Variants in SNX25 observed in about 807,000 individuals in gnomAD.
SNX25 encodes sorting nexin 25.
SNX25 carries 62 observed loss-of-function variants against 113.7 expected under a neutral mutation model. The ratio of observed to expected loss-of-function variants is 0.55; its 90% CI spans 0.44 to 0.67. The LOEUF (loss-of-function observed/expected upper bound fraction) is 0.67. Ranked by LOEUF, SNX25 falls within the 30% of genes least tolerant of loss-of-function variation. The pLI is 0.00. For missense variants in SNX25, 1,014 were observed against 1,161.0 expected (o/e 0.87, Z 1.84); for synonymous variants, 421 against 436.2 (o/e 0.97, Z 0.43).
intron 1 of SNX25, among the ~76,000 whole-genome samples, chr4:185,217,894 T>C (rs1434914357): frequency 6.6e-6 from 1 of 152,226 alleles, no homozygotes; most frequent in Non-Finnish European, 1.5e-5. Context: ...AACTGTACTT[T>C]TGAAGGAAAA....
At chr4:185,317,322 CAG>C (rs1364373815) in intron 7 of SNX25, among the ~76,000 whole-genome samples, 1 of 152,196 alleles carries the variant, frequency 6.6e-6, no homozygotes, top group African/African-American at 2.4e-5. Flanking sequence ...CGGGAAACAA[CAG>C]ATGCTGACGA....
chr4:185,318,919 G>A (rs1299308668), intron 7 of SNX25, among the ~76,000 whole-genome samples: 1 of 152,072 alleles, frequency 6.6e-6, no homozygotes, highest in Non-Finnish European at 1.5e-5. Flanking sequence ...GCTACAGATA[G>A]AAGGTTCAAT....
intron 1 of SNX25, among the ~76,000 whole-genome samples, chr4:185,237,701 C>T (rs1002168715): frequency 3.3e-5 from 5 of 151,688 alleles, no homozygotes; most frequent in East Asian, 1.9e-4. Context: ...TTTGTAATAA[C>T]GTTGAATTAG....
intron 1 of SNX25, among the ~76,000 whole-genome samples, chr4:185,238,012 G>A (rs373387636): frequency 1.5e-5 from 2 of 136,168 alleles, no homozygotes; most frequent in South Asian, 2.3e-4. Flanking sequence ...GCAGTGAGCC[G>A]AGATCACACC....
At position 185,342,993 on chromosome 4, in the gene SNX25, C is replaced by T. The variant is rs564144600; in HGVS notation, c.2187+877C>T. ...GCAACCTCCGCCTCCCAGGTTCAAG[C>T]GATTCTCCTGCCTCAGCCTCCCGAG... On this transcript the variant is annotated intron_variant, in intron 12 of 18. Coordinates refer to ENST00000652585, the MANE Select transcript of SNX25 (RefSeq NM_001378034.2). Among the ~76,000 whole-genome samples the T allele has an allele frequency of 9.9e-5, 15 of 152,262 alleles. No individual in the cohort carries two copies. The South Asian group carries it at 2.7e-3, about 27-fold the overall frequency.
At chr4:185,378,292 A>G in the SNX25 span, 1 of 1,523,678 alleles carries the variant, frequency 6.6e-7, no homozygotes, top group Non-Finnish European at 8.8e-7. Flanking sequence ...CCAGGTGCTC[A>G]TTAGGAAAAG....
chr4:185,375,827 G>C, the SNX25 span: 2 of 607,720 alleles, frequency 3.3e-6, no homozygotes, highest in Non-Finnish European at 5.6e-6. Flanking sequence ...TAAACACACA[G>C]TTAACAAGCA....
downstream of SNX25, among the ~76,000 whole-genome samples, chr4:185,367,706 C>T (rs527515797): frequency 1.3e-5 from 2 of 152,208 alleles, no homozygotes; most frequent in South Asian, 4.2e-4. Context: ...GGATATAGAG[C>T]TCTCATCCAA....
At chr4:185,321,117 A>AT (rs916282268) in intron 8 of SNX25, among the ~76,000 whole-genome samples, 6 of 151,942 alleles carry the variant, frequency 3.9e-5, no homozygotes, top group Non-Finnish European at 7.4e-5. Flanking sequence ...AGTTTTGGGT[A>AT]TTTTTTTTAC....
chr4:185,377,399 T>TG, the SNX25 span: 1 of 172,342 alleles, frequency 5.8e-6, no homozygotes, highest in African/African-American at 2.4e-5. Context: ...ATGCCTATAA[T>TG]CCCAGCTACT....
At chr4:185,307,211 A>G (rs1754584032) in intron 6 of SNX25, among the ~76,000 whole-genome samples, 1 of 152,192 alleles carries the variant, frequency 6.6e-6, no homozygotes, top group Admixed American at 6.5e-5. Context: ...GAGATGGGTA[A>G]TGACCATCCT....
At chr4:185,252,024 T>C (rs1276891957) in intron 2 of SNX25, among the ~76,000 whole-genome samples, 2 of 152,114 alleles carry the variant, frequency 1.3e-5, no homozygotes, top group East Asian at 3.8e-4. Flanking sequence ...TGTCCTTTGC[T>C]TTAAAGTGGT....
At chr4:185,322,670 G>T (rs2095129503) in intron 8 of SNX25, among the ~76,000 whole-genome samples, 1 of 152,010 alleles carries the variant, frequency 6.6e-6, no homozygotes, top group African/African-American at 2.4e-5. Flanking sequence ...CACCAGTTTT[G>T]ACTCCACATA....
intron 1 of SNX25, among the ~76,000 whole-genome samples, chr4:185,240,852 G>A (rs1199237493): frequency 6.6e-6 from 1 of 151,186 alleles, no homozygotes; most frequent in Non-Finnish European, 1.5e-5. Context: ...GGGGCGGCCG[G>A]GCAGAGACGC....
At chr4:185,317,718 A>G (rs2095086172) in intron 7 of SNX25, among the ~76,000 whole-genome samples, 1 of 152,142 alleles carries the variant, frequency 6.6e-6, no homozygotes, top group Non-Finnish European at 1.5e-5. Context: ...TTTCACTCAT[A>G]AGTGGTAGTA....
intron 11 of SNX25, among the ~76,000 whole-genome samples, chr4:185,339,900 A>T (rs2095251134): frequency 6.6e-6 from 1 of 152,266 alleles, no homozygotes; most frequent in African/African-American, 2.4e-5. Context: ...TCAATTGCTT[A>T]AATTTCAGTA....
chr4:185,342,662 C>T (rs1265289029), intron 12 of SNX25, among the ~76,000 whole-genome samples: 1 of 150,680 alleles, frequency 6.6e-6, no homozygotes, highest in South Asian at 2.1e-4. Flanking sequence ...AGGATTCTGT[C>T]ACATACACAA....
rs530481426 is a variant in SNX25 at position 185,314,914 on chromosome 4, T to C, written c.1344+4098T>C. Among the ~76,000 whole-genome samples, 53 of 147,080 alleles carry C rather than the reference T, an allele frequency of 3.6e-4. 1 individual carries two copies. In the South Asian group the frequency reaches 3.7e-3, roughly 10 times the overall value. The stretch of plus-strand genomic sequence containing the variant: ...GAAACTCTGAATAACCCACAATTTA[T>C]TGAAGAATATAATAATAATCTAAAA... On this transcript the variant is annotated intron_variant, in intron 7 of 18. Transcript: ENST00000652585.
chr4:185,327,386 C>T (rs1346352290), intron 9 of SNX25, among the ~76,000 whole-genome samples: 1 of 152,154 alleles, frequency 6.6e-6, no homozygotes, highest in Non-Finnish European at 1.5e-5. Context: ...AATTGTACAA[C>T]ATTTGTTGTA....
Sources: allele counts gnomAD v4.1 joint callset (sites outside exome capture counted in the v4.1 genomes callset), GRCh38; gene constraint gnomAD v4.1.1; transcripts MANE v1.5; gene names NCBI Gene and HGNC (gene_info 2026-07-23, HGNC 2026-07-21).